The following PCDHGB1 variants were observed in gnomAD, a reference collection of about 807,000 sequenced individuals.
PCDHGB1 encodes protocadherin gamma subfamily B, 1.
In PCDHGB1, 34 loss-of-function variants were observed where a neutral mutation model predicts 56.6. The ratio of observed to expected loss-of-function variants is 0.60; its 90% CI spans 0.46 to 0.80. PCDHGB1 has a LOEUF of 0.80. Ranked by LOEUF, PCDHGB1 falls within the 30% of genes least tolerant of loss-of-function variation. The probability of loss-of-function intolerance (pLI) is 0.00; values close to 1 mark genes in which losing one functional copy is unlikely to be tolerated. For missense variants in PCDHGB1, 1,278 were observed against 1,204.6 expected (o/e 1.06, Z -0.90); for synonymous variants, 561 against 505.9 (o/e 1.11, Z -1.46).
chr5:141,362,714 C>A, intron 1 of PCDHGB1: 1 of 916,366 alleles, frequency 1.1e-6, no homozygotes, highest in Non-Finnish European at 1.6e-6. Context: ...AGTGTTTTCT[C>A]TCTGAAGTGT....
At chr5:141,360,777 T>G (rs555307283) in intron 1 of PCDHGB1, 1 of 1,613,966 alleles carries the variant, frequency 6.2e-7, no homozygotes, top group South Asian at 1.1e-5. Context: ...TCCTCACAGC[T>G]GTGGATGGCG....
chr5:141,431,435 GC>G lies in PCDHGB1; in HGVS notation c.2410-63371del. On this transcript the variant is annotated intron_variant, in intron 1 of 3. Coordinates refer to ENST00000523390, the MANE Select transcript of PCDHGB1 (RefSeq NM_018922.3). The surrounding 1 kb of genome is among the most constrained non-coding windows in gnomAD (Gnocchi z 4.8). The stretch of plus-strand genomic sequence containing the variant: ...GGGCGACCCGGTGCGCACAGGCACC[GC>G]GCGCATCCGCGTGATGGTTCTGGAT... 1.9e-6 allele frequency: 3 copies of G among 1,613,668 alleles called. No individual in the cohort carries two copies. The highest frequency in any genetic ancestry group is 2.5e-6 in the Non-Finnish European group (3 of 1,180,026).
intron 1 of PCDHGB1, among the ~76,000 whole-genome samples, chr5:141,359,239 A>G (rs1050299402): frequency 6.6e-6 from 1 of 152,166 alleles, no homozygotes; most frequent in Non-Finnish European, 1.5e-5. Context: ...GATTGTTTAA[A>G]GTAATTAAGC....
Position 141,490,520 on chromosome 5 carries a change from G to A in PCDHGB1, c.2410-4287G>A. 1 of 1,614,072 alleles carries A rather than the reference G, an allele frequency of 6.2e-7. No individual in the cohort carries two copies. Among genetic ancestry groups the A allele is most frequent in the Non-Finnish European group, 8.5e-7 (1 of 1,180,014 alleles). ...CACTATATCATCGAGCTGCTGGCCAGCGATGCTGGTTCACCTTCCCTACAC... is the reference window on the plus strand; with the variant it reads ...CACTATATCATCGAGCTGCTGGCCAACGATGCTGGTTCACCTTCCCTACAC... On this transcript the variant is annotated intron_variant, in intron 1 of 3. Coordinates refer to ENST00000523390, the MANE Select transcript of PCDHGB1 (RefSeq NM_018922.3). The surrounding 1 kb of genome is among the most constrained non-coding windows in gnomAD (Gnocchi z 5.4).
At position 141,448,695 on chromosome 5, in the gene PCDHGB1, C is replaced by T. The variant is rs535473305; in HGVS notation, c.2410-46112C>T. 2.7e-4 allele frequency among the ~76,000 whole-genome samples: 41 copies of T among 152,246 alleles called. No homozygotes were observed. In the South Asian group the frequency reaches 8.5e-3, roughly 32 times the overall value. On this transcript the variant is annotated intron_variant, in intron 1 of 3. Coordinates refer to ENST00000523390, the MANE Select transcript of PCDHGB1 (RefSeq NM_018922.3). Reference sequence around the variant, plus strand: ...GTGGCTCACGCCTGTAATCGCAGCACTTTGGGAGGCCGAGGCGGGAGGATC... The same window carrying T: ...GTGGCTCACGCCTGTAATCGCAGCATTTTGGGAGGCCGAGGCGGGAGGATC...
chr5:141,419,701 C>T (rs1268060859), intron 1 of PCDHGB1: 7 of 1,612,860 alleles, frequency 4.3e-6, no homozygotes, highest in Non-Finnish European at 5.9e-6. Flanking sequence ...CCAGTGAGCC[C>T]GGGCTCTTCA....
In PCDHGB1 at chr5:141,421,687, G is replaced by C. The variant is rs763146085; in HGVS notation, c.2409+69018G>C. On this transcript the variant is annotated intron_variant, in intron 1 of 3. Coordinates refer to ENST00000523390, the MANE Select transcript of PCDHGB1 (RefSeq NM_018922.3). ...GCACGCAATTCCTGGGGCGCGATTT[G>C]CTCTTCCTAATGCTAGGGATCCAGA... 1.3e-5 allele frequency: 21 copies of C among 1,613,788 alleles called. No individual in the cohort carries two copies. Among genetic ancestry groups the C allele is most frequent in the Non-Finnish European group, 1.8e-5 (21 of 1,179,860 alleles).
At chr5:141,364,099 G>A in intron 1 of PCDHGB1, 1 of 407,086 alleles carries the variant, frequency 2.5e-6, no homozygotes, top group African/African-American at 2.1e-5. Context: ...ATTTGATGCA[G>A]TCACTGGTTA....
At chr5:141,389,508 G>A (rs369319162) in intron 1 of PCDHGB1, 3 of 1,613,090 alleles carry the variant, frequency 1.9e-6, no homozygotes, top group Non-Finnish European at 2.5e-6. Flanking sequence ...AGCGCTCAGC[G>A]CGAACGTGAG....
chr5:141,376,530 G>C (rs200613052), intron 1 of PCDHGB1: 3 of 1,613,550 alleles, frequency 1.9e-6, no homozygotes, highest in African/African-American at 1.3e-5. Context: ...CCGCCTAAGC[G>C]GGAAGAGTAA....
At chr5:141,371,345 T>TG (rs1178665977) in intron 1 of PCDHGB1, 1 of 1,613,878 alleles carries the variant, frequency 6.2e-7, no homozygotes, top group Non-Finnish European at 8.5e-7. Context: ...GCTACACAAT[T>TG]GGGGTGGAAG....
intron 1 of PCDHGB1, chr5:141,357,443 C>T (rs1161118434): frequency 1.2e-6 from 2 of 1,614,104 alleles, no homozygotes; most frequent in African/African-American, 1.3e-5. Context: ...GGGGTTCGGG[C>T]TTTCCTGCAG....
chr5:141,356,457 C>T (rs1760227280), intron 1 of PCDHGB1: 1 of 1,613,452 alleles, frequency 6.2e-7, no homozygotes, highest in East Asian at 2.2e-5. Flanking sequence ...CAGAATATAA[C>T]ATCACTGTAA....
intron 1 of PCDHGB1, chr5:141,361,656 G>A: frequency 1.2e-6 from 2 of 1,613,748 alleles, no homozygotes; most frequent in Non-Finnish European, 1.7e-6. Context: ...ACGTGTCCGT[G>A]AGCGCGCAGA....
Position 141,351,263 on chromosome 5 carries a change from G to C in PCDHGB1, c.1003G>C (p.Asp335His), listed in dbSNP as rs777132958. 9.3e-6 allele frequency: 15 copies of C among 1,613,968 alleles called. No individual in the cohort carries two copies. The highest frequency in any genetic ancestry group is 1.3e-5 in the Non-Finnish European group (15 of 1,179,858). The part of the protein sequence containing the change: ...AHCNVQIEIV[D>H]ENDNAPEVTF... ...CTGTAATGTTCAAATAGAAATTGTT[G>C]ACGAGAATGACAATGCCCCAGAGGT... The change falls in exon 1 of 4, where the codon GAC (aspartate) becomes CAC (histidine). Residue 335 changes from aspartate to histidine, a missense_variant. Transcript: ENST00000523390.
intron 1 of PCDHGB1, chr5:141,408,296 C>T (rs2154539952): frequency 1.2e-6 from 2 of 1,613,550 alleles, no homozygotes; most frequent in Non-Finnish European, 1.7e-6. Flanking sequence ...CCTGAGTGAG[C>T]CGATCCGCTA....
At chr5:141,400,008 C>A (rs1395195387) in intron 1 of PCDHGB1, 1 of 1,612,692 alleles carries the variant, frequency 6.2e-7, no homozygotes, top group South Asian at 1.1e-5. Flanking sequence ...CAGCGCGTGC[C>A]TTGGGCGACA....
At chr5:141,378,173 C>A (rs1774684442) in intron 1 of PCDHGB1, 1 of 152,194 alleles carries the variant, frequency 6.6e-6, no homozygotes. Flanking sequence ...AATAACTAAG[C>A]ACCGATGCTG....
intron 1 of PCDHGB1, among the ~76,000 whole-genome samples, chr5:141,469,392 T>C (rs2099199760): frequency 6.6e-6 from 1 of 152,046 alleles, no homozygotes; most frequent in South Asian, 2.1e-4. Flanking sequence ...CTGGCCAACA[T>C]GGTGAAACCC....
Sources: gnomAD v4.1 joint callset for allele counts (sites outside exome capture counted in the v4.1 genomes callset) on GRCh38, gnomAD v4.1.1 for gene constraint, Gnocchi (gnomAD v3.1) non-coding constraint, MANE v1.5 for transcripts, NCBI Gene and HGNC (gene_info 2026-07-23, HGNC 2026-07-21) for gene names.